Variants in SNTG2 observed in about 807,000 individuals in gnomAD.
SNTG2 encodes the protein syntrophin gamma 2.
A neutral mutation model predicts 70.9 loss-of-function variants in SNTG2; 74 were observed. The ratio of observed to expected loss-of-function variants is 1.04; its 90% CI spans 0.86 to 1.27. The LOEUF is 1.27. Among genes scored for constraint, SNTG2 ranks in the 50% most tolerant of loss-of-function variants. SNTG2 has a pLI of 0.00. For missense variants in SNTG2, 717 were observed against 690.7 expected (o/e 1.04, Z -0.43); for synonymous variants, 278 against 273.8 (o/e 1.02, Z -0.15).
chr2:1,220,643 A>G (rs1674692566), intron 9 of SNTG2, among the ~76,000 whole-genome samples: 1 of 152,244 alleles, frequency 6.6e-6, no homozygotes, highest in Non-Finnish European at 1.5e-5. Flanking sequence ...TTTTGACGAT[A>G]GAAGATTAGG....
chr2:1,238,022 G>A lies in SNTG2; in HGVS notation c.849+5G>A, dbSNP rs372940232. 1.9e-6 allele frequency: 3 copies of A among 1,607,088 alleles called. No homozygotes were observed. The highest frequency in any genetic ancestry group is 1.7e-6 in the Non-Finnish European group (2 of 1,176,634). Reference sequence around the variant, plus strand: ...AGGGAGCTGACACTTCAGAACGTGAGCACACGGTGTTTCTGAGTCTCTGCT... The same window carrying A: ...AGGGAGCTGACACTTCAGAACGTGAACACACGGTGTTTCTGAGTCTCTGCT... On this transcript the variant is annotated splice_donor_5th_base_variant and intron_variant, in intron 10 of 16. Transcript: ENST00000308624.
At chr2:1,032,252 AC>A (rs1660882188) in intron 1 of SNTG2, among the ~76,000 whole-genome samples, 1 of 152,160 alleles carries the variant, frequency 6.6e-6, no homozygotes, top group Non-Finnish European at 1.5e-5. Flanking sequence ...CTTAAGCAAA[AC>A]CGCAAAAGCC....
chr2:1,064,487 C>T (rs892441051), intron 1 of SNTG2, among the ~76,000 whole-genome samples: 1 of 150,908 alleles, frequency 6.6e-6, no homozygotes, highest in Non-Finnish European at 1.5e-5. Context: ...AAATAAAGTA[C>T]TACATTTGGG....
chr2:1,271,576 T>C (rs1288286730), intron 14 of SNTG2, among the ~76,000 whole-genome samples: 1 of 152,078 alleles, frequency 6.6e-6, no homozygotes, highest in African/African-American at 2.4e-5. Flanking sequence ...ACAATACCTA[T>C]TGTTGCTATT....
At chr2:1,235,540 C>T (rs1233230058) in intron 9 of SNTG2, among the ~76,000 whole-genome samples, 25 of 72,964 alleles carry the variant, frequency 3.4e-4, no homozygotes, top group Non-Finnish European at 1.6e-4. Flanking sequence ...GCCCTGAGGT[C>T]CCTGCAGGCC....
intron 2 of SNTG2, among the ~76,000 whole-genome samples, chr2:1,091,717 G>A (rs1665040769): frequency 6.6e-6 from 1 of 152,118 alleles, no homozygotes; most frequent in Non-Finnish European, 1.5e-5. Context: ...GGAATACTAT[G>A]GAATCATTGA....
chr2:1,194,833 C>T (rs1238680057), intron 8 of SNTG2, among the ~76,000 whole-genome samples: 5 of 152,068 alleles, frequency 3.3e-5, no homozygotes, highest in Admixed American at 3.3e-4. Flanking sequence ...ACCCATCAAC[C>T]TGCCATCTAC....
At chr2:1,090,096 CA>C (rs137945521) in intron 2 of SNTG2, among the ~76,000 whole-genome samples, 1,631 of 152,218 alleles carry the variant, frequency 0.011, 36 homozygotes, top group African/African-American at 0.037. Context: ...AATGGAATGC[CA>C]TTAGGTGCTC....
chr2:1,194,874 C>G (rs1320663008), intron 8 of SNTG2, among the ~76,000 whole-genome samples: 1 of 152,138 alleles, frequency 6.6e-6, no homozygotes. Context: ...CTATCCCTCC[C>G]CTAGTCCCCC....
chr2:1,306,522 C>T (rs1431902722), intron 14 of SNTG2, among the ~76,000 whole-genome samples: 1 of 152,194 alleles, frequency 6.6e-6, no homozygotes, highest in Non-Finnish European at 1.5e-5. Context: ...GCTATGCAGC[C>T]ACAGGGCCGA....
rs1338811239 is a variant in SNTG2, at chr2:1,007,051, A to G, written c.72+55983A>G. On this transcript the variant is annotated intron_variant, in intron 1 of 16. Coordinates refer to ENST00000308624, the MANE Select transcript of SNTG2 (RefSeq NM_018968.4). ...CTCAAATAAATAAATAAATAAATAA[A>G]TAAATAAATGTGTATATATATATGT... is the stretch of plus-strand genomic sequence containing the variant. 2.0e-5 allele frequency among the ~76,000 whole-genome samples: 3 copies of G among 151,718 alleles called. 1 individual carries two copies. Among genetic ancestry groups the G allele is most frequent in the South Asian group, 4.2e-4 (2 of 4,810 alleles).
At chr2:1,258,494 A>G (rs748645775) in intron 12 of SNTG2, among the ~76,000 whole-genome samples, 29 of 152,110 alleles carry the variant, frequency 1.9e-4, no homozygotes, top group Non-Finnish European at 3.7e-4. Flanking sequence ...TCCACATTTC[A>G]GTTGTGATGA....
chr2:1,219,470 C>T (rs1674610392), intron 9 of SNTG2, among the ~76,000 whole-genome samples: 1 of 152,158 alleles, frequency 6.6e-6, no homozygotes, highest in African/African-American at 2.4e-5. Context: ...AGCAATTAAA[C>T]AGCTCCAGAA....
At chr2:1,077,375 TA>T (rs1405797933) in intron 1 of SNTG2, among the ~76,000 whole-genome samples, 1 of 152,228 alleles carries the variant, frequency 6.6e-6, no homozygotes, top group African/African-American at 2.4e-5. Context: ...CCTGGTAGTT[TA>T]AAATTCTTAA....
chr2:1,310,166 G>A (rs1012918117), intron 15 of SNTG2, among the ~76,000 whole-genome samples: 4 of 152,198 alleles, frequency 2.6e-5, no homozygotes, highest in African/African-American at 4.8e-5. Context: ...GCAGGTTTGC[G>A]TAGCCCCCTC....
At chr2:1,299,218 T>C (rs146279053) in intron 14 of SNTG2, among the ~76,000 whole-genome samples, 235 of 152,334 alleles carry the variant, frequency 1.5e-3, no homozygotes, top group African/African-American at 5.2e-3. Context: ...CATCTGTCAC[T>C]AGTCCTGACC....
rs974987776 is a variant in SNTG2 at position 1,325,161 on chromosome 2, G to T, written c.1488+8786G>T. 5.9e-5 allele frequency among the ~76,000 whole-genome samples: 9 copies of T among 152,136 alleles called. No homozygotes were observed. In the South Asian group the frequency reaches 1.0e-3, roughly 17 times the overall value. ...TTCATTATCAAAGCCTTGATAAAAT[G>T]ACCAGTGCCTCCAGTCAAGTCCTAT... is the stretch of plus-strand genomic sequence containing the variant. On this transcript the variant is annotated intron_variant, in intron 16 of 16. Transcript: ENST00000308624.
chr2:1,333,696 T>C (rs1659650859), intron 16 of SNTG2, among the ~76,000 whole-genome samples: 1 of 152,220 alleles, frequency 6.6e-6, no homozygotes, highest in South Asian at 2.1e-4. Context: ...GAAAGAGAAC[T>C]CTATTCAATA....
chr2:1,264,285 T>C (rs533623829), intron 13 of SNTG2, among the ~76,000 whole-genome samples: 1 of 152,312 alleles, frequency 6.6e-6, no homozygotes, highest in African/African-American at 2.4e-5. Context: ...TTCCTGCCCA[T>C]GGTTAACTGG....
Sources: gnomAD v4.1 joint callset for allele counts (sites outside exome capture counted in the v4.1 genomes callset) on GRCh38, gnomAD v4.1.1 for gene constraint, MANE v1.5 for transcripts, NCBI Gene and HGNC (gene_info 2026-07-23, HGNC 2026-07-21) for gene names.